The following EYA4 variants were observed in gnomAD, a reference collection of about 807,000 sequenced individuals.
EYA4 encodes the protein protein phosphatase EYA4.
EYA4 carries 31 observed loss-of-function variants against 87.9 expected under a neutral mutation model. The ratio of observed to expected loss-of-function variants is 0.35; its 90% CI spans 0.27 to 0.48. EYA4 has a LOEUF of 0.48. Ranked by LOEUF, EYA4 falls within the 20% of genes least tolerant of loss-of-function variation. The probability of loss-of-function intolerance (pLI) is 0.99; values close to 1 mark genes in which losing one functional copy is unlikely to be tolerated. For synonymous variants in EYA4, 263 were observed against 270.6 expected (o/e 0.97, Z 0.28); for missense variants, 678 against 761.4 (o/e 0.89, Z 1.29).
Position 133,352,018 on chromosome 6 carries a change from T to C in EYA4, c.34-30374T>C, listed in dbSNP as rs61338913. On this transcript the variant is annotated intron_variant, in intron 2 of 19. Coordinates refer to ENST00000355286, the MANE Select transcript of EYA4 (RefSeq NM_004100.5). ...AAAAAACAGGAGAAGATAGTATTTA[T>C]TGAATCTCTTCTTTATTTATTTGGT... 1.6e-4 allele frequency among the ~76,000 whole-genome samples: 24 copies of C among 152,274 alleles called. 1 individual carries two copies. Among genetic ancestry groups the C allele is most frequent in the African/African-American group, 5.3e-4 (22 of 41,576 alleles).
At chr6:133,437,397 G>A (rs1791790425) in intron 3 of EYA4, among the ~76,000 whole-genome samples, 1 of 152,184 alleles carries the variant, frequency 6.6e-6, no homozygotes, top group African/African-American at 2.4e-5. Context: ...ATGAGTTCAA[G>A]TTCTGGTGCT....
intron 13 of EYA4, among the ~76,000 whole-genome samples, chr6:133,486,741 T>C (rs1796717951): frequency 6.6e-6 from 1 of 152,104 alleles, no homozygotes; most frequent in Admixed American, 6.5e-5. Flanking sequence ...GATCTTCCAG[T>C]GTTCCAGGAA....
intron 2 of EYA4, among the ~76,000 whole-genome samples, chr6:133,310,723 G>A (rs1780149702): frequency 6.6e-6 from 1 of 152,142 alleles, no homozygotes; most frequent in East Asian, 1.9e-4. Flanking sequence ...GAAATTTGTA[G>A]CATTGCAGAC....
At position 133,481,473 on chromosome 6, in the gene EYA4, T is replaced by A; in HGVS notation, c.981T>A (p.Asp327Glu). 6.2e-7 allele frequency: 1 copy of A among 1,613,830 alleles called. No individual in the cohort carries two copies. The highest frequency in any genetic ancestry group is 8.5e-7 in the Non-Finnish European group (1 of 1,179,820). ...TCATGTTATCTATAGGAGAGTTCGA[T>A]ACCATGCAGAGTCCCTCCACACCCA... is the stretch of plus-strand genomic sequence containing the variant. ...PGLTNQPGEF[D>E]TMQSPSTPIK... Residue 327 changes from aspartate to glutamate, a missense_variant, in exon 12 of 20, where the codon GAT (aspartate) becomes GAA (glutamate). Asp to Glu is a conservative substitution (Grantham distance 45, BLOSUM62 2). Coordinates refer to ENST00000355286, the MANE Select transcript of EYA4 (RefSeq NM_004100.5).
At chr6:133,483,256 G>GTCT (rs1160718883) in intron 13 of EYA4, 141 bp downstream of exon 13, 1 of 643,774 alleles carries the variant, frequency 1.6e-6, no homozygotes, top group Non-Finnish European at 2.7e-6. Flanking sequence ...TATTTCTAGT[G>GTCT]TCTTATAGTT....
At chr6:133,335,529 A>G (rs568420639) in intron 2 of EYA4, among the ~76,000 whole-genome samples, 1 of 152,342 alleles carries the variant, frequency 6.6e-6, no homozygotes, top group South Asian at 2.1e-4. Context: ...TAAAGCAAAT[A>G]ACCATGCAAA....
At chr6:133,485,374 C>T (rs1377957557) in intron 13 of EYA4, among the ~76,000 whole-genome samples, 1 of 152,136 alleles carries the variant, frequency 6.6e-6, no homozygotes, top group African/African-American at 2.4e-5. Flanking sequence ...TTATGGAAGG[C>T]TCATGATGCG....
intron 12 of EYA4, 79 bp from the exon 13 acceptor site, chr6:133,482,953 G>T: frequency 1.8e-6 from 2 of 1,116,726 alleles, no homozygotes; most frequent in East Asian, 2.4e-5. Flanking sequence ...TCTCTAGGAA[G>T]GGAGACATTT....
intron 3 of EYA4, among the ~76,000 whole-genome samples, chr6:133,430,479 G>A (rs548720910): frequency 6.6e-6 from 1 of 152,142 alleles, no homozygotes; most frequent in South Asian, 2.1e-4. Context: ...CCTAATGCAT[G>A]GTAGAAACTC....
At chr6:133,271,337 T>C (rs901250444) in intron 1 of EYA4, among the ~76,000 whole-genome samples, 1 of 152,106 alleles carries the variant, frequency 6.6e-6, no homozygotes, top group Non-Finnish European at 1.5e-5. Context: ...ACCAGTGAAT[T>C]CTGTGAGCAT....
intron 9 of EYA4, among the ~76,000 whole-genome samples, chr6:133,463,235 T>G (rs1481117449): frequency 6.6e-6 from 1 of 152,156 alleles, no homozygotes. Context: ...CTCTCTCCTA[T>G]TGATACTATA....
At chr6:133,360,602 A>G (rs1784380381) in intron 2 of EYA4, 2 of 152,224 alleles carry the variant, frequency 1.3e-5, no homozygotes, top group Admixed American at 6.5e-5. Flanking sequence ...TTGAGCATTT[A>G]TGATAAGCCA....
intron 3 of EYA4, among the ~76,000 whole-genome samples, chr6:133,424,519 C>A (rs1048906669): frequency 2.0e-4 from 29 of 145,022 alleles, no homozygotes; most frequent in Admixed American, 8.3e-4. Flanking sequence ...ACCCCCCCCC[C>A]AGCCTATAAG....
intron 2 of EYA4, among the ~76,000 whole-genome samples, chr6:133,380,670 G>A (rs550615583): frequency 6.6e-6 from 1 of 152,178 alleles, no homozygotes; most frequent in African/African-American, 2.4e-5. Context: ...TAGGAAAGAA[G>A]GTTCTTTTTT....
At chr6:133,511,563 G>T (rs1442136868) in intron 14 of EYA4, 2 of 151,708 alleles carry the variant, frequency 1.3e-5, no homozygotes, top group Non-Finnish European at 2.9e-5. Flanking sequence ...TTGTAATATT[G>T]CGCTGGAACT....
At chr6:133,268,143 T>C (rs1257005874) in intron 1 of EYA4, among the ~76,000 whole-genome samples, 1 of 152,208 alleles carries the variant, frequency 6.6e-6, no homozygotes, top group Non-Finnish European at 1.5e-5. Context: ...TTTCTTATAA[T>C]AAATTATGTT....
In EYA4 at chr6:133,495,195, A is replaced by AGAG. The variant is rs576454357; in HGVS notation, c.1192-10909_1192-10907dup. On this transcript the variant is annotated intron_variant, in intron 13 of 19. Coordinates refer to ENST00000355286, the MANE Select transcript of EYA4 (RefSeq NM_004100.5). Reference sequence around the variant, plus strand: ...GAGGCAGCAGAATCGCCTGAACCCCAGAGGCAGAGGTTGCAGTGAGCTGAG... The same window carrying AGAG: ...GAGGCAGCAGAATCGCCTGAACCCCAGAGGAGGCAGAGGTTGCAGTGAGCTGAG... Among the ~76,000 whole-genome samples the AGAG allele has an allele frequency of 2.6e-5, 4 of 152,060 alleles. No homozygotes were observed. In the South Asian group the frequency reaches 8.3e-4, roughly 32 times the overall value.
At chr6:133,298,804 C>T (rs1485700284) in intron 2 of EYA4, among the ~76,000 whole-genome samples, 1 of 152,198 alleles carries the variant, frequency 6.6e-6, no homozygotes, top group Non-Finnish European at 1.5e-5. Context: ...CACTATTTGA[C>T]TGTCTTTAAC....
intron 1 of EYA4, among the ~76,000 whole-genome samples, chr6:133,267,817 T>G (rs1418594560): frequency 2.0e-5 from 3 of 152,236 alleles, no homozygotes; most frequent in Non-Finnish European, 4.4e-5. Context: ...GTAGTTTATA[T>G]TTTACGAGTT....
Sources: allele counts gnomAD v4.1 joint callset (sites outside exome capture counted in the v4.1 genomes callset), GRCh38; gene constraint gnomAD v4.1.1; transcripts MANE v1.5; gene names NCBI Gene and HGNC (gene_info 2026-07-23, HGNC 2026-07-21).